Variants in EML4 observed in about 807,000 individuals in gnomAD.
EML4 encodes the protein echinoderm microtubule-associated protein-like 4.
In EML4, 72 loss-of-function variants were observed where a neutral mutation model predicts 129.0. The observed-to-expected ratio is 0.56, with a 90% CI of 0.46 to 0.68. The LOEUF is 0.68. Ranked by LOEUF, EML4 falls within the 30% of genes least tolerant of loss-of-function variation. EML4 has a pLI of 0.00. For synonymous variants in EML4, 532 were observed against 405.0 expected (o/e 1.31, Z -3.77); for missense variants, 1,363 against 1,190.6 (o/e 1.14, Z -2.13).
At chr2:42,247,404 C>T (rs573777793) in intron 2 of EML4, among the ~76,000 whole-genome samples, 10 of 152,198 alleles carry the variant, frequency 6.6e-5, no homozygotes, top group Admixed American at 3.9e-4. Flanking sequence ...GCTATGGAGG[C>T]GGGATACTTA....
chr2:42,312,037 AATTGGT>A, intron 17 of EML4, among the ~76,000 whole-genome samples: 1 of 152,252 alleles, frequency 6.6e-6, no homozygotes, highest in East Asian at 1.9e-4. Context: ...AAATGAAAAT[AATTGGT>A]AAACATGAAG....
chr2:42,227,624 T>G (rs1674054885), intron 1 of EML4, among the ~76,000 whole-genome samples: 1 of 152,144 alleles, frequency 6.6e-6, no homozygotes, highest in Non-Finnish European at 1.5e-5. Context: ...TTGAACTGTG[T>G]GGGTCCACTT....
chr2:42,203,995 A>C lies in EML4; in HGVS notation c.25+34359A>C, dbSNP rs191113199. Among the ~76,000 whole-genome samples, 16 of 152,134 alleles carry C rather than the reference A, an allele frequency of 1.1e-4. No homozygotes were observed. The East Asian group carries it at 3.1e-3, about 29-fold the overall frequency. ...GGGTGCAGTGACACAATCATAGTGCACTGCACCTTGAACTCCTGGGTTCAA... is the reference window on the plus strand; with the variant it reads ...GGGTGCAGTGACACAATCATAGTGCCCTGCACCTTGAACTCCTGGGTTCAA... On this transcript the variant is annotated intron_variant, in intron 1 of 22. Coordinates refer to ENST00000318522, the MANE Select transcript of EML4 (RefSeq NM_019063.5).
intron 6 of EML4, among the ~76,000 whole-genome samples, chr2:42,268,636 C>A (rs1666200680): frequency 6.6e-6 from 1 of 152,110 alleles, no homozygotes; most frequent in Admixed American, 6.6e-5. Flanking sequence ...CAGGGTGTCA[C>A]TGTGTTTCCC....
Position 42,295,910 on chromosome 2 carries a change from C to G in EML4, c.1489+394C>G, listed in dbSNP as rs552907849. Among the ~76,000 whole-genome samples, 3 of 152,256 alleles carry G rather than the reference C, an allele frequency of 2.0e-5. No homozygotes were observed. The East Asian group carries it at 5.8e-4, about 29-fold the overall frequency. ...AAAAGGAATAAACTCATAGTTCAAT[C>G]CACTTCTCCTTTTTCTTTTCCTCAC... On this transcript the variant is annotated intron_variant, in intron 13 of 22. Transcript: ENST00000318522.
chr2:42,280,466 G>A (rs2104458082), intron 6 of EML4, among the ~76,000 whole-genome samples: 1 of 152,042 alleles, frequency 6.6e-6, no homozygotes, highest in East Asian at 1.9e-4. Context: ...AAATATTTGG[G>A]GAAAAAAATT....
intron 22 of EML4, 87 bp from the exon 23 acceptor site, chr2:42,329,647 A>ACCC (rs1256729418): frequency 9.3e-7 from 1 of 1,074,290 alleles, no homozygotes; most frequent in African/African-American, 1.6e-5. Flanking sequence ...AGCTGAGTTT[A>ACCC]CCCCCCTTAC....
At chr2:42,200,647 T>C (rs1368495226) in intron 1 of EML4, among the ~76,000 whole-genome samples, 4 of 152,240 alleles carry the variant, frequency 2.6e-5, no homozygotes, top group Non-Finnish European at 5.9e-5. Flanking sequence ...AGACTTTCTT[T>C]GTAGAGACAG....
intron 17 of EML4, among the ~76,000 whole-genome samples, 158 bp from the exon 18 acceptor site, chr2:42,315,804 G>C (rs1367633182): frequency 6.6e-6 from 1 of 152,066 alleles, no homozygotes; most frequent in Non-Finnish European, 1.5e-5. Context: ...GATAGTGTGA[G>C]CCCAGAAGTT....
At chr2:42,267,309 G>A (rs1445154610) in intron 6 of EML4, among the ~76,000 whole-genome samples, 1 of 152,210 alleles carries the variant, frequency 6.6e-6, no homozygotes, top group Non-Finnish European at 1.5e-5. Context: ...ATAGGTGAGA[G>A]TCATTGACTG....
intron 17 of EML4, among the ~76,000 whole-genome samples, chr2:42,310,490 C>T (rs528700487): frequency 2.0e-3 from 297 of 152,186 alleles, no homozygotes; most frequent in African/African-American, 6.9e-3. Flanking sequence ...GGACTACAAG[C>T]GTGCACCACC....
rs554269651 is a variant in EML4 at position 42,201,037 on chromosome 2, A to G, written c.25+31401A>G. 1.4e-4 allele frequency among the ~76,000 whole-genome samples: 21 copies of G among 152,304 alleles called. 1 individual carries two copies. In the South Asian group the frequency reaches 3.5e-3, roughly 26 times the overall value. ...AGCAGTAATATGACAGAAGTATAGT[A>G]CTTTTAAGTTCTTTTAAGTGAAGGA... On this transcript the variant is annotated intron_variant, in intron 1 of 22. Transcript: ENST00000318522.
intron 1 of EML4, among the ~76,000 whole-genome samples, chr2:42,175,982 C>T (rs1237466204): frequency 2.0e-5 from 3 of 150,136 alleles, no homozygotes; most frequent in African/African-American, 4.9e-5. Context: ...CTGTTTTTTT[C>T]GTTGGATCCT....
At chr2:42,249,868 C>A (rs568659008) in intron 2 of EML4, among the ~76,000 whole-genome samples, 1 of 152,098 alleles carries the variant, frequency 6.6e-6, no homozygotes, top group Non-Finnish European at 1.5e-5. Flanking sequence ...AGAATTCTTT[C>A]CTTTTGACGG....
In EML4 at chr2:42,303,443, A is replaced by T. The variant is rs368027135; in HGVS notation, c.1896A>T (p.Val632=). ...MEHRLEWTRL[V]DEPGHCADFH... is the part of the protein sequence containing the mutation. ...ACAGGCTGGAATGGACCAGGCTGGT[A>T]GATGTGAGTGAAGCAGGATGTGATT... The change falls in exon 16 of 23, where the codon GTA becomes GTT. Residue 632 remains valine, a synonymous_variant. Transcript: ENST00000318522. The T allele has an allele frequency of 5.0e-6, 8 of 1,613,516 alleles. No homozygotes were observed. The highest frequency in any genetic ancestry group is 6.8e-6 in the Non-Finnish European group (8 of 1,179,700).
intron 1 of EML4, among the ~76,000 whole-genome samples, chr2:42,238,005 A>G (rs6544522): frequency 0.67 from 101,736 of 152,114 alleles, 35,284 homozygotes; most frequent in African/African-American, 0.85. Context: ...GGGTGTCTGA[A>G]ATAGTGACAC....
intron 1 of EML4, among the ~76,000 whole-genome samples, chr2:42,226,726 T>C (rs995770650): frequency 6.6e-6 from 1 of 152,046 alleles, no homozygotes; most frequent in Non-Finnish European, 1.5e-5. Flanking sequence ...GAGAGTAGAT[T>C]TTTAAATGTT....
intron 1 of EML4, among the ~76,000 whole-genome samples, chr2:42,244,746 C>G (rs891249895): frequency 1.3e-5 from 2 of 152,112 alleles, no homozygotes; most frequent in African/African-American, 4.8e-5. Flanking sequence ...AGGTGATAGA[C>G]TCCCTATCTG....
intron 1 of EML4, among the ~76,000 whole-genome samples, chr2:42,239,964 A>G (rs1301975377): frequency 6.6e-6 from 1 of 152,170 alleles, no homozygotes; most frequent in African/African-American, 2.4e-5. Flanking sequence ...GAACAAGAGC[A>G]ATGCATAATA....
Sources: allele counts gnomAD v4.1 joint callset (sites outside exome capture counted in the v4.1 genomes callset), GRCh38; gene constraint gnomAD v4.1.1; transcripts MANE v1.5; gene names NCBI Gene and HGNC (gene_info 2026-07-23, HGNC 2026-07-21).